RHBDL3: variants seen among roughly 807,000 people sequenced by gnomAD.
The protein encoded by RHBDL3 is rhomboid like 3.
RHBDL3 carries 28 observed loss-of-function variants against 48.2 expected under a neutral mutation model. The observed-to-expected ratio is 0.58, with a 90% CI of 0.43 to 0.80. The LOEUF is 0.80. Ranked by LOEUF, RHBDL3 falls within the 30% of genes least tolerant of loss-of-function variation. The pLI is 0.00. For synonymous variants in RHBDL3, 208 were observed against 232.3 expected (o/e 0.90, Z 0.95); for missense variants, 464 against 542.7 (o/e 0.85, Z 1.44).
chr17:32,317,776 T>C (rs1567791795), intron 8 of RHBDL3, among the ~76,000 whole-genome samples: 1 of 152,190 alleles, frequency 6.6e-6, no homozygotes. Context: ...AAGAGAGTTA[T>C]TGATGGATAA....
At chr17:32,272,285 G>A (rs2039789954) in intron 2 of RHBDL3, among the ~76,000 whole-genome samples, 1 of 152,236 alleles carries the variant, frequency 6.6e-6, no homozygotes, top group South Asian at 2.1e-4. Context: ...CTGACTTCCA[G>A]TGTCTCCCCT....
At chr17:32,291,332 C>CA (rs1555587558) in intron 4 of RHBDL3, among the ~76,000 whole-genome samples, 10 of 126,772 alleles carry the variant, frequency 7.9e-5, no homozygotes, top group African/African-American at 3.0e-4. Context: ...GACTCCGTCT[C>CA]AAAAAAGAAA....
intron 7 of RHBDL3, 21 bp from the exon 8 acceptor site, chr17:32,316,211 T>C: frequency 1.3e-6 from 2 of 1,598,614 alleles, no homozygotes; most frequent in Non-Finnish European, 1.7e-6. Context: ...TGGAACTGAC[T>C]GAGCTCTCCT....
intron 3 of RHBDL3, among the ~76,000 whole-genome samples, chr17:32,286,848 C>T (rs1350062217): frequency 3.9e-5 from 6 of 152,142 alleles, no homozygotes; most frequent in African/African-American, 9.7e-5. Flanking sequence ...AAATCTGGCC[C>T]GGACTTTGCC....
At chr17:32,305,281 G>C in intron 6 of RHBDL3, 60 bp from the exon 7 acceptor site, 1 of 1,126,482 alleles carries the variant, frequency 8.9e-7, no homozygotes, top group Non-Finnish European at 1.4e-6. Flanking sequence ...AAGGCCTGGG[G>C]CTGGGTTGGG....
At chr17:32,288,336 G>A (rs1304299077) in intron 3 of RHBDL3, 1 of 172,348 alleles carries the variant, frequency 5.8e-6, no homozygotes, top group Non-Finnish European at 1.3e-5. Flanking sequence ...TTACTAATCT[G>A]TCTTGAGCAC....
rs531823923 is a variant in RHBDL3, at chr17:32,273,936, A to G, written c.135+6011A>G. 3.9e-5 allele frequency among the ~76,000 whole-genome samples: 6 copies of G among 152,228 alleles called. No homozygotes were observed. In the South Asian group the frequency reaches 1.0e-3, roughly 26 times the overall value. ...TTTTTAGTAGAGACAGGGTTTCACC[A>G]TGTTGGCCGGGGTGGTCTTGAACTC... On this transcript the variant is annotated intron_variant, in intron 2 of 8. Coordinates refer to ENST00000269051, the MANE Select transcript of RHBDL3 (RefSeq NM_138328.3).
intron 7 of RHBDL3, among the ~76,000 whole-genome samples, chr17:32,306,792 A>G (rs2040721297): frequency 6.6e-6 from 1 of 152,048 alleles, no homozygotes; most frequent in Admixed American, 6.6e-5. Context: ...ACGGTGGTGC[A>G]TGGCTATAGT....
Position 32,305,338 on chromosome 17 carries a change from T to C in RHBDL3, c.782-3T>C. ...GAGAATTCTCGCTGTCTTTCTGTACTAGGGTCCTTGGCAGTGTCTGTGGCT... is the reference window on the plus strand; with the variant it reads ...GAGAATTCTCGCTGTCTTTCTGTACCAGGGTCCTTGGCAGTGTCTGTGGCT... On this transcript the variant is annotated splice_polypyrimidine_tract_variant and splice_region_variant and intron_variant, in intron 6 of 8. Coordinates refer to ENST00000269051, the MANE Select transcript of RHBDL3 (RefSeq NM_138328.3). 2 of 1,607,948 alleles carry C rather than the reference T, an allele frequency of 1.2e-6. No individual in the cohort carries two copies. Among genetic ancestry groups the C allele is most frequent in the Non-Finnish European group, 1.7e-6 (2 of 1,174,388 alleles).
At position 32,319,421 on chromosome 17, in the gene RHBDL3, C is replaced by CAAAA. The variant is rs541383037; in HGVS notation, c.944-1517_944-1514dup. Among the ~76,000 whole-genome samples the CAAAA allele has an allele frequency of 7.3e-3, 581 of 79,654 alleles. 12 individuals carry two copies. The highest frequency in any genetic ancestry group is 0.029 in the African/African-American group (539 of 18,850). 52.3% of individuals were successfully genotyped at this position (79,654 alleles called of 152,430 possible). On this transcript the variant is annotated intron_variant, in intron 8 of 8. Coordinates refer to ENST00000269051, the MANE Select transcript of RHBDL3 (RefSeq NM_138328.3). ...TGGGCAATAGAGCGAGATTCCGTCT[C>CAAAA]AAAAAAAAAAAAAAAAAAAAAAATC...
At chr17:32,307,243 C>T (rs2040732286) in intron 7 of RHBDL3, among the ~76,000 whole-genome samples, 1 of 152,130 alleles carries the variant, frequency 6.6e-6, no homozygotes, top group Non-Finnish European at 1.5e-5. Context: ...TGGCTGGGAG[C>T]ATGGTAGATG....
At chr17:32,275,876 T>A (rs537937439) in intron 2 of RHBDL3, among the ~76,000 whole-genome samples, 1 of 152,154 alleles carries the variant, frequency 6.6e-6, no homozygotes, top group Non-Finnish European at 1.5e-5. Context: ...GTCAGGGGCC[T>A]GGCCTGGCCA....
intron 4 of RHBDL3, among the ~76,000 whole-genome samples, chr17:32,292,382 A>T (rs898368968): frequency 3.9e-5 from 6 of 152,198 alleles, no homozygotes; most frequent in Non-Finnish European, 8.8e-5. Context: ...CCACTTCTGA[A>T]TATATCCCAA....
intron 4 of RHBDL3, among the ~76,000 whole-genome samples, chr17:32,290,259 G>A (rs2150717659): frequency 6.6e-6 from 1 of 152,288 alleles, no homozygotes; most frequent in Admixed American, 6.5e-5. Flanking sequence ...CCGGGCAGGG[G>A]GCTGGCTCTT....
rs907649873 is a variant in RHBDL3, at chr17:32,316,377, G to T, written c.943+85G>T. On this transcript the variant is annotated intron_variant, in intron 8 of 8. Transcript: ENST00000269051. ...ATGGCACAGTTCCTGCCCTTCACGG[G>T]CTTATGGTCAAGAAAAAAAAAGTGG... The T allele has an allele frequency of 8.7e-6, 9 of 1,035,038 alleles. No homozygotes were observed. The Admixed American group carries it at 1.7e-4, about 20-fold the overall frequency. 64.1% of individuals were successfully genotyped at this position (1,035,038 alleles called of 1,614,324 possible).
intron 8 of RHBDL3, among the ~76,000 whole-genome samples, chr17:32,319,509 C>T (rs553777417): frequency 1.3e-5 from 2 of 151,858 alleles, no homozygotes; most frequent in East Asian, 1.9e-4. Flanking sequence ...ATCTTTCATA[C>T]CTCCTTTATC....
At position 32,269,371 on chromosome 17, in the gene RHBDL3, G is replaced by A. The variant is rs557333214; in HGVS notation, c.135+1446G>A. On this transcript the variant is annotated intron_variant, in intron 2 of 8. Coordinates refer to ENST00000269051, the MANE Select transcript of RHBDL3 (RefSeq NM_138328.3). Reference sequence around the variant, plus strand: ...TCAAAACAAAAACAAAAAACAAGTTGGAGTGAGGAGAGACGTTTGGCAAAA... The same window carrying A: ...TCAAAACAAAAACAAAAAACAAGTTAGAGTGAGGAGAGACGTTTGGCAAAA... Among the ~76,000 whole-genome samples, 42 of 152,260 alleles carry A rather than the reference G, an allele frequency of 2.8e-4. No individual in the cohort carries two copies. In the South Asian group the frequency reaches 8.1e-3, roughly 29 times the overall value.
At chr17:32,274,848 G>A (rs565337921) in intron 2 of RHBDL3, among the ~76,000 whole-genome samples, 2 of 152,098 alleles carry the variant, frequency 1.3e-5, no homozygotes, top group Non-Finnish European at 2.9e-5. Context: ...ATGCATGCAT[G>A]TGTGTTTGTG....
At position 32,294,451 on chromosome 17, in the gene RHBDL3, C is replaced by T; in HGVS notation, c.668+9C>T. ...ATCTTCATGCATGCAGGGTGAGTACCTGTCTTCTTTTGCTCTGTCAAAAGA... is the reference window on the plus strand; with the variant it reads ...ATCTTCATGCATGCAGGGTGAGTACTTGTCTTCTTTTGCTCTGTCAAAAGA... On this transcript the variant is annotated intron_variant, in intron 5 of 8. Coordinates refer to ENST00000269051, the MANE Select transcript of RHBDL3 (RefSeq NM_138328.3). 1.2e-6 allele frequency: 2 copies of T among 1,612,036 alleles called. No individual in the cohort carries two copies. Among genetic ancestry groups the T allele is most frequent in the Non-Finnish European group, 1.7e-6 (2 of 1,179,126 alleles).
Sources: gnomAD v4.1 joint callset for allele counts (sites outside exome capture counted in the v4.1 genomes callset) on GRCh38, gnomAD v4.1.1 for gene constraint, MANE v1.5 for transcripts, NCBI Gene and HGNC (gene_info 2026-07-23, HGNC 2026-07-21) for gene names.